MYO10: variants seen among roughly 807,000 people sequenced by gnomAD.
MYO10 encodes the protein unconventional myosin-X.
In MYO10, 133 loss-of-function variants were observed where a neutral mutation model predicts 257.3. That is an observed-to-expected ratio of 0.52 (90% CI 0.45 to 0.60). MYO10 has a LOEUF of 0.60. MYO10 is among the 20% of genes least tolerant of loss of function. The pLI is 0.00. For synonymous variants in MYO10, 1,104 were observed against 1,028.6 expected (o/e 1.07, Z -1.40); for missense variants, 2,399 against 2,635.7 (o/e 0.91, Z 1.97).
Position 16,668,396 on chromosome 5 carries a change from C to G in MYO10, c.5956G>C (p.Gly1986Arg), listed in dbSNP as rs769249164. ...AAGACTTCCAGTGGTCTTCCCTCTCCACGCTTGTAGACGGAGACGGCGTCC... is the reference window on the plus strand; with the variant it reads ...AAGACTTCCAGTGGTCTTCCCTCTCGACGCTTGTAGACGGAGACGGCGTCC... ...SADAVSVYKRGEGRPLEVFQY... is the reference protein window; with the variant it reads ...SADAVSVYKRREGRPLEVFQY... Residue 1986 changes from glycine (G) to arginine (R), a missense_variant, in exon 40 of 41, where the codon GGA (glycine) becomes CGA (arginine). By Grantham distance (125) the Gly-to-Arg change is moderately radical (BLOSUM62 -2). This residue lies in a region of MYO10 where 1,820 missense variants were observed against 1,939.4 expected (regional missense o/e 0.94). Coordinates refer to ENST00000513610, the MANE Select transcript of MYO10 (RefSeq NM_012334.3). 6.2e-7 allele frequency: 1 copy of G among 1,614,022 alleles called. No individual in the cohort carries two copies. Among genetic ancestry groups the G allele is most frequent in the Non-Finnish European group, 8.5e-7 (1 of 1,179,890 alleles).
In MYO10 at chr5:16,671,486, T is replaced by C; in HGVS notation, c.5366A>G (p.Tyr1789Cys). ...CACGTTGTCTGTGTCCAGGAAGCAG[T>C]AAAGTTTGAAGTAGAATTTCCATGG... ...DLPWKFYFKL[Y>C]CFLDTDNVPK... The change falls in exon 38 of 41, where the codon TAC becomes TGC. Residue 1789 changes from tyrosine (Y) to cysteine (C), a missense_variant. Physicochemically the swap from Tyr to Cys is radical, Grantham distance 194. Transcript: ENST00000513610. 2 of 1,613,876 alleles carry C rather than the reference T, an allele frequency of 1.2e-6. No individual in the cohort carries two copies. The highest frequency in any genetic ancestry group is 1.7e-6 in the Non-Finnish European group (2 of 1,179,836).
At chr5:16,733,118 A>G (rs1739651387) in intron 19 of MYO10, among the ~76,000 whole-genome samples, 1 of 152,174 alleles carries the variant, frequency 6.6e-6, no homozygotes, top group Non-Finnish European at 1.5e-5. Context: ...TGGGTGACAG[A>G]GCAAGACGCC....
chr5:16,925,494 T>A (rs1257563151), intron 1 of MYO10, among the ~76,000 whole-genome samples: 1 of 152,128 alleles, frequency 6.6e-6, no homozygotes, highest in Admixed American at 6.6e-5. Flanking sequence ...CACTGCAACC[T>A]CTGCCTCCTG....
intron 9 of MYO10, among the ~76,000 whole-genome samples, chr5:16,778,304 C>T (rs1247069736): frequency 2.0e-5 from 3 of 152,140 alleles, no homozygotes; most frequent in Admixed American, 6.6e-5. Flanking sequence ...TTGCAAGAGA[C>T]CATGGCATGC....
intron 19 of MYO10, among the ~76,000 whole-genome samples, chr5:16,746,309 A>C (rs1048185591): frequency 2.0e-5 from 3 of 152,164 alleles, no homozygotes; most frequent in African/African-American, 7.2e-5. Context: ...CTGTTTTATC[A>C]GCAAGGTCTT....
rs1267286238 is a variant in MYO10 at position 16,663,429 on chromosome 5, G to T, written c.*3263C>A. The T allele has an allele frequency of 7.2e-6, 1 of 139,248 alleles. No individual in the cohort carries two copies. The highest frequency in any genetic ancestry group is 1.5e-5 in the Non-Finnish European group (1 of 66,502). The allele number at this position is 139,248 out of a possible 1,614,324, so 8.6% of individuals were successfully genotyped here. A position where few individuals can be genotyped will look rare whatever the true frequency, so the allele number is the denominator to read the frequency against. The stretch of plus-strand genomic sequence containing the variant: ...AAAAATTAAAAATACTAGATTGTCA[G>T]CGTCTGAAGTGATAAAATACTTTAT... On this transcript the variant is annotated 3_prime_UTR_variant, in exon 41 of 41. Coordinates refer to ENST00000513610, the MANE Select transcript of MYO10 (RefSeq NM_012334.3).
chr5:16,780,667 C>T (rs1579983119), intron 7 of MYO10, 59 bp from the exon 8 acceptor site: 3 of 1,546,370 alleles, frequency 1.9e-6, no homozygotes, highest in Non-Finnish European at 2.6e-6. Flanking sequence ...TTCACACAAA[C>T]CAATAATTTC....
chr5:16,863,214 T>C (rs946058812), intron 2 of MYO10, among the ~76,000 whole-genome samples: 1 of 152,206 alleles, frequency 6.6e-6, no homozygotes. Context: ...ATTTAATGCA[T>C]GTGCATTCGG....
At chr5:16,867,978 T>C (rs1744329294) in intron 2 of MYO10, among the ~76,000 whole-genome samples, 1 of 152,134 alleles carries the variant, frequency 6.6e-6, no homozygotes, top group Non-Finnish European at 1.5e-5. Context: ...CCAAACGGAA[T>C]CCCTGCACAG....
At chr5:16,822,814 C>T (rs563597529) in intron 2 of MYO10, among the ~76,000 whole-genome samples, 3 of 151,900 alleles carry the variant, frequency 2.0e-5, no homozygotes, top group South Asian at 2.1e-4. Context: ...CAGCCTCCCG[C>T]GTAGCTGGGA....
chr5:16,699,418 T>G, intron 26 of MYO10, 32 bp downstream of exon 26: 2 of 1,609,470 alleles, frequency 1.2e-6, no homozygotes, highest in South Asian at 1.1e-5. Flanking sequence ...GCTCTCCCCC[T>G]AACCCAGACT....
intron 10 of MYO10, 99 bp from the exon 11 acceptor site, chr5:16,766,297 C>T (rs895182301): frequency 1.5e-5 from 13 of 858,628 alleles, no homozygotes; most frequent in African/African-American, 3.4e-5. Flanking sequence ...GAATCCCTCA[C>T]GCAGAGTTTA....
chr5:16,848,155 C>CTTTTTTTTTTTTCTTTTTTTTTTTTTT (rs1554002458), intron 2 of MYO10, among the ~76,000 whole-genome samples: 1 of 113,596 alleles, frequency 8.8e-6, no homozygotes, highest in African/African-American at 3.7e-5. Flanking sequence ...CTACACATTT[C>CTTTTTTTTTTTTCTTTTTTTTTTTTTT]TTTTTTTTTT....
intron 1 of MYO10, among the ~76,000 whole-genome samples, chr5:16,931,163 C>T (rs1402683624): frequency 6.6e-6 from 1 of 151,942 alleles, no homozygotes; most frequent in Non-Finnish European, 1.5e-5. Context: ...CCCAGCTACT[C>T]GGGAGGCTGA....
At chr5:16,732,812 C>A (rs1041646013) in intron 19 of MYO10, among the ~76,000 whole-genome samples, 2 of 152,158 alleles carry the variant, frequency 1.3e-5, no homozygotes, top group Non-Finnish European at 2.9e-5. Context: ...GAATGCTTGG[C>A]TGAATATTTT....
At chr5:16,795,554 T>C (rs1041591118) in intron 3 of MYO10, among the ~76,000 whole-genome samples, 1 of 152,220 alleles carries the variant, frequency 6.6e-6, no homozygotes, top group African/African-American at 2.4e-5. Flanking sequence ...TGACCCGAGA[T>C]AGTGCTACTG....
At chr5:16,898,744 T>A (rs892665979) in intron 1 of MYO10, among the ~76,000 whole-genome samples, 2 of 151,976 alleles carry the variant, frequency 1.3e-5, no homozygotes, top group African/African-American at 2.4e-5. Context: ...GCATGTTCCC[T>A]GCACATCTCA....
rs571505739 is a variant in MYO10, at chr5:16,872,540, T to A, written c.120+5069A>T. Among the ~76,000 whole-genome samples the A allele has an allele frequency of 2.8e-3, 424 of 152,256 alleles. 2 individuals carry two copies. Among genetic ancestry groups the A allele is most frequent in the Admixed American group, 5.6e-3 (86 of 15,298 alleles). The stretch of plus-strand genomic sequence containing the variant: ...TTATGTGATTCTTACCATAATTTTT[T>A]TAAAAAAGAAAAAAGTTAAAAGACT... On this transcript the variant is annotated intron_variant, in intron 2 of 40. Coordinates refer to ENST00000513610, the MANE Select transcript of MYO10 (RefSeq NM_012334.3).
In MYO10 at chr5:16,719,991, T is replaced by TGC. The variant is rs1342940196; in HGVS notation, c.1930-8747_1930-8746insGC. Reference sequence around the variant, plus strand: ...AAAGAAATAAATGTGTGTGCGTGCGTGTGTGTGTGTGTGTGTGTGTGTGTG... The same window carrying TGC: ...AAAGAAATAAATGTGTGTGCGTGCGTGCGTGTGTGTGTGTGTGTGTGTGTGTG... On this transcript the variant is annotated intron_variant, in intron 19 of 40. Transcript: ENST00000513610. Among the ~76,000 whole-genome samples, 54 of 102,032 alleles carry TGC rather than the reference T, an allele frequency of 5.3e-4. 1 individual carries two copies. The highest frequency in any genetic ancestry group is 2.5e-3 in the African/African-American group (33 of 13,032). 66.9% of individuals were successfully genotyped at this position (102,032 alleles called of 152,430 possible). A position where few individuals can be genotyped will look rare whatever the true frequency, so the allele number is the denominator to read the frequency against.
Sources: allele counts gnomAD v4.1 joint callset (sites outside exome capture counted in the v4.1 genomes callset), GRCh38; gene constraint gnomAD v4.1.1; regional missense constraint gnomAD v4.1.1; transcripts MANE v1.5; gene names NCBI Gene and HGNC (gene_info 2026-07-23, HGNC 2026-07-21).